Variants in SLCO3A1 observed in about 807,000 individuals in gnomAD.
SLCO3A1 encodes the protein solute carrier organic anion transporter family member 3A1.
SLCO3A1 carries 27 observed loss-of-function variants against 63.1 expected under a neutral mutation model. That is an observed-to-expected ratio of 0.43 (90% confidence interval 0.32 to 0.59). The LOEUF is 0.59. SLCO3A1 is among the 20% of genes least tolerant of loss of function. The pLI is 0.09. For synonymous variants in SLCO3A1, 473 were observed against 409.9 expected, an observed-to-expected ratio of 1.15 and a Z score of -1.86; for missense variants, 773 against 945.8, an observed-to-expected ratio of 0.82 and a Z score of 2.40.
intron 2 of SLCO3A1, among the ~76,000 whole-genome samples, chr15:92,025,591 A>G (rs2046563589): frequency 6.6e-6 from 1 of 152,228 alleles, no homozygotes; most frequent in Non-Finnish European, 1.5e-5. Flanking sequence ...GATTTGTGAC[A>G]ACTCTACAAG....
At chr15:92,143,436 T>TA (rs1249717784) in intron 7 of SLCO3A1, among the ~76,000 whole-genome samples, 5 of 10,356 alleles carry the variant, frequency 4.8e-4, no homozygotes, top group African/African-American at 4.3e-3. Context: ...ATATAATATA[T>TA]ATAATATATA....
intron 1 of SLCO3A1, among the ~76,000 whole-genome samples, chr15:91,914,755 A>G (rs1042034242): frequency 9.9e-5 from 15 of 152,022 alleles, no homozygotes; most frequent in African/African-American, 3.4e-4. Flanking sequence ...TATTTTTAGT[A>G]GAGAAGGGGT....
At chr15:92,014,201 T>C (rs1182329745) in intron 2 of SLCO3A1, among the ~76,000 whole-genome samples, 1 of 151,948 alleles carries the variant, frequency 6.6e-6, no homozygotes, top group Non-Finnish European at 1.5e-5. Flanking sequence ...GAAAAGAAAA[T>C]GCAGAAGCCT....
At chr15:91,976,657 G>A (rs1271185500) in intron 2 of SLCO3A1, among the ~76,000 whole-genome samples, 6 of 152,116 alleles carry the variant, frequency 3.9e-5, no homozygotes, top group East Asian at 1.9e-4. Flanking sequence ...CTTAAGTGCC[G>A]GCCAGCTTGA....
chr15:91,983,441 G>T (rs2046011533), intron 2 of SLCO3A1, among the ~76,000 whole-genome samples: 1 of 152,164 alleles, frequency 6.6e-6, no homozygotes, highest in African/African-American at 2.4e-5. Context: ...TTGGCCTGAT[G>T]GAGGGTGTCT....
intron 1 of SLCO3A1, among the ~76,000 whole-genome samples, chr15:91,861,790 G>C (rs964927906): frequency 5.9e-5 from 9 of 151,482 alleles, no homozygotes; most frequent in African/African-American, 1.9e-4. Context: ...AGCCTGGCTA[G>C]TTTTCTTATT....
intron 8 of SLCO3A1, among the ~76,000 whole-genome samples, chr15:92,147,377 C>G (rs1431328117): frequency 6.6e-6 from 1 of 152,056 alleles, no homozygotes; most frequent in East Asian, 1.9e-4. Context: ...GAAGACAGCA[C>G]TTTCATGTTC....
At chr15:92,084,339 T>C (rs766386427) in intron 2 of SLCO3A1, among the ~76,000 whole-genome samples, 14 of 152,210 alleles carry the variant, frequency 9.2e-5, no homozygotes, top group Non-Finnish European at 1.5e-4. Context: ...AATGTCTGTG[T>C]TCCAGGAATT....
chr15:91,962,479 CAAAAAA>C (rs35274991), intron 2 of SLCO3A1, among the ~76,000 whole-genome samples: 2 of 81,732 alleles, frequency 2.4e-5, no homozygotes, highest in African/African-American at 4.8e-5. Flanking sequence ...AACTCCGTCT[CAAAAAA>C]AAAAAAAAAA....
chr15:91,941,841 A>G lies in SLCO3A1; in HGVS notation c.646+25383A>G, dbSNP rs951061899. ...GCTTTGCATACTGTAGGAGCTGCAT[A>G]AATGCCACTGGCTTATGGGCATCTG... On this transcript the variant is annotated intron_variant, in intron 2 of 9. Coordinates refer to ENST00000318445, the MANE Select transcript of SLCO3A1 (RefSeq NM_013272.4). The surrounding 1 kb of genome is among the most constrained non-coding windows in gnomAD (Gnocchi z 4.4). Among the ~76,000 whole-genome samples the G allele has an allele frequency of 1.3e-5, 2 of 152,112 alleles. No individual in the cohort carries two copies.
intron 4 of SLCO3A1, among the ~76,000 whole-genome samples, chr15:92,117,544 C>T (rs117446014): frequency 0.033 from 5,068 of 152,208 alleles, 153 homozygotes; most frequent in Non-Finnish European, 0.044. Flanking sequence ...TGAGAAATGG[C>T]GTTATTACTT....
chr15:92,091,360 C>T (rs766857471), intron 2 of SLCO3A1, among the ~76,000 whole-genome samples: 7 of 152,190 alleles, frequency 4.6e-5, no homozygotes, highest in Non-Finnish European at 7.3e-5. Context: ...CACCTGGAGG[C>T]GCTGGCCCTT....
chr15:91,955,835 A>C (rs548681757), intron 2 of SLCO3A1, among the ~76,000 whole-genome samples: 3 of 152,344 alleles, frequency 2.0e-5, no homozygotes, highest in African/African-American at 7.2e-5. Flanking sequence ...ACTGCCACGT[A>C]TTAGCGTGTT....
chr15:92,094,859 T>G (rs1334020676), intron 2 of SLCO3A1, 22 bp from the exon 3 acceptor site: 22 of 1,551,472 alleles, frequency 1.4e-5, no homozygotes, highest in Middle Eastern at 1.7e-4. Context: ...TGTAATCTAT[T>G]TTTTTCTTCA....
At chr15:92,027,191 A>G (rs2046585570) in intron 2 of SLCO3A1, among the ~76,000 whole-genome samples, 1 of 152,230 alleles carries the variant, frequency 6.6e-6, no homozygotes. Flanking sequence ...AAGCAAAGCC[A>G]AATAATGCAT....
At chr15:92,084,892 T>G (rs1455392592) in intron 2 of SLCO3A1, among the ~76,000 whole-genome samples, 1 of 152,166 alleles carries the variant, frequency 6.6e-6, no homozygotes, top group Non-Finnish European at 1.5e-5. Flanking sequence ...GAGCAGGCCT[T>G]CCAGTGAGCC....
At chr15:92,136,936 T>C (rs2048065114) in intron 7 of SLCO3A1, among the ~76,000 whole-genome samples, 1 of 151,930 alleles carries the variant, frequency 6.6e-6, no homozygotes, top group South Asian at 2.1e-4. Flanking sequence ...TATGGCTATA[T>C]AGTATTCCAT....
At position 91,886,957 on chromosome 15, in the gene SLCO3A1, G is replaced by T. The variant is rs183313364; in HGVS notation, c.181-29036G>T. ...TGAAGTTGCAGTTGCGTGGGAGAGG[G>T]AGCAGGAGTTTATTCTCCCCTCTTT... On this transcript the variant is annotated intron_variant, in intron 1 of 9. Transcript: ENST00000318445. The surrounding 1 kb of genome is among the most constrained non-coding windows in gnomAD (Gnocchi z 4.9). Among the ~76,000 whole-genome samples, 231 of 152,304 alleles carry T rather than the reference G, an allele frequency of 1.5e-3. 2 individuals carry two copies. The highest frequency in any genetic ancestry group is 5.4e-3 in the African/African-American group (224 of 41,566).
Position 92,163,332 on chromosome 15 carries a change from T to A in SLCO3A1, c.*197T>A. 3.2e-6 allele frequency: 4 copies of A among 1,232,664 alleles called. No individual in the cohort carries two copies. The highest frequency in any genetic ancestry group is 4.0e-6 in the Non-Finnish European group (4 of 988,794). The allele number at this position is 1,232,664 out of a possible 1,614,324, so 76.4% of individuals were successfully genotyped here. On this transcript the variant is annotated 3_prime_UTR_variant, in exon 10 of 10. Coordinates refer to ENST00000318445, the MANE Select transcript of SLCO3A1 (RefSeq NM_013272.4). ...GACAGGATTCAGAATAAGGAGAGAATGACATCGTGCGGCAGGGTCCTGGAG... is the reference window on the plus strand; with the variant it reads ...GACAGGATTCAGAATAAGGAGAGAAAGACATCGTGCGGCAGGGTCCTGGAG...
Sources: gnomAD v4.1 joint callset for allele counts (sites outside exome capture counted in the v4.1 genomes callset) on GRCh38, gnomAD v4.1.1 for gene constraint, Gnocchi (gnomAD v3.1) non-coding constraint, MANE v1.5 for transcripts, NCBI Gene and HGNC (gene_info 2026-07-23, HGNC 2026-07-21) for gene names.